The following KCNMA1 variants were observed in gnomAD, a reference collection of about 807,000 sequenced individuals.
The protein encoded by KCNMA1 is potassium calcium-activated channel subfamily M alpha 1, also known as Calcium-activated potassium channel subunit alpha-1.
Under a neutral mutation model 140.0 loss-of-function variants are expected in KCNMA1, and 29 were observed. The observed-to-expected ratio is 0.21, with a 90% CI of 0.15 to 0.28. The LOEUF is 0.28. KCNMA1 is among the 10% of genes least tolerant of loss of function. KCNMA1 has a pLI of 1.00. For missense variants in KCNMA1, 880 were observed against 1,602.2 expected (o/e 0.55, Z 7.70); for synonymous variants, 612 against 611.9 (o/e 1.00, Z 0.00).
intron 1 of KCNMA1, among the ~76,000 whole-genome samples, chr10:77,425,067 G>A (rs1373278550): frequency 9.9e-5 from 15 of 151,980 alleles, no homozygotes; most frequent in Non-Finnish European, 2.2e-4. Context: ...ATGGGTGGAT[G>A]GATGGGTGGA....
chr10:77,002,193 C>G (rs949174402), intron 18 of KCNMA1, among the ~76,000 whole-genome samples: 1 of 152,112 alleles, frequency 6.6e-6, no homozygotes, highest in Non-Finnish European at 1.5e-5. Flanking sequence ...ATGATGGCTA[C>G]AGGAATTTAA....
At chr10:76,963,601 G>A (rs977242275) in intron 20 of KCNMA1, among the ~76,000 whole-genome samples, 2 of 152,108 alleles carry the variant, frequency 1.3e-5, no homozygotes, top group African/African-American at 4.8e-5. Flanking sequence ...CACATTCTGG[G>A]TGCCTACTCT....
intron 2 of KCNMA1, among the ~76,000 whole-genome samples, chr10:77,299,536 C>G (rs1186204985): frequency 6.6e-6 from 1 of 152,134 alleles, no homozygotes; most frequent in Non-Finnish European, 1.5e-5. Context: ...TCTGAGAAGT[C>G]GGTGTAACCT....
chr10:76,920,706 C>A lies in KCNMA1; in HGVS notation c.2903-5657G>T, dbSNP rs1402207350. 2.6e-5 allele frequency among the ~76,000 whole-genome samples: 4 copies of A among 152,342 alleles called. No homozygotes were observed. In the East Asian group the frequency reaches 5.8e-4, roughly 22 times the overall value. On this transcript the variant is annotated intron_variant, in intron 23 of 27. Transcript: ENST00000286628. The stretch of plus-strand genomic sequence containing the variant: ...CCCAATTGGTAAGTGTCCCTGGGAG[C>A]CGCAGCCAGGCAGTCTGACCTCAGA...
chr10:77,273,454 T>C (rs867000072), intron 2 of KCNMA1, among the ~76,000 whole-genome samples: 10 of 152,200 alleles, frequency 6.6e-5, no homozygotes, highest in African/African-American at 9.7e-5. Context: ...GCAAGATGAA[T>C]TGAATTCACA....
chr10:77,574,074 G>A (rs1228827717), intron 1 of KCNMA1, among the ~76,000 whole-genome samples: 4 of 151,872 alleles, frequency 2.6e-5, no homozygotes, highest in Non-Finnish European at 4.4e-5. Context: ...GGCCTGAAGC[G>A]ATCCACCCAT....
intron 5 of KCNMA1, among the ~76,000 whole-genome samples, chr10:77,183,092 A>C (rs1267761855): frequency 6.6e-6 from 1 of 152,120 alleles, no homozygotes; most frequent in Non-Finnish European, 1.5e-5. Context: ...CCTTACCCCC[A>C]TGGGCTTCTT....
At chr10:77,034,580 T>G (rs1290578291) in intron 15 of KCNMA1, among the ~76,000 whole-genome samples, 3 of 152,182 alleles carry the variant, frequency 2.0e-5, no homozygotes, top group Non-Finnish European at 4.4e-5. Context: ...GAGCACTGAA[T>G]GCAGGGAGGT....
chr10:77,468,787 A>G (rs1475475317), intron 1 of KCNMA1, among the ~76,000 whole-genome samples: 1 of 152,178 alleles, frequency 6.6e-6, no homozygotes, highest in Admixed American at 6.5e-5. Flanking sequence ...CATCAAGAAA[A>G]TAGAAATGAT....
intron 1 of KCNMA1, among the ~76,000 whole-genome samples, chr10:77,514,030 C>G (rs1406051740): frequency 6.6e-6 from 1 of 152,252 alleles, no homozygotes; most frequent in African/African-American, 2.4e-5. Flanking sequence ...CACAGAGCAC[C>G]ACCCGTGCCT....
chr10:77,307,673 A>C (rs2154340149), intron 2 of KCNMA1, among the ~76,000 whole-genome samples: 1 of 152,180 alleles, frequency 6.6e-6, no homozygotes, highest in Middle Eastern at 3.4e-3. Flanking sequence ...CAGCCTCCCA[A>C]GTAGCTGGGA....
At chr10:76,870,892 A>G (rs541860169) in exon 28 of KCNMA1, 79 of 152,368 alleles carry the variant, frequency 5.2e-4, no homozygotes, top group African/African-American at 1.7e-3. Context: ...GTGCCTCACC[A>G]TCTCCAACAC....
chr10:77,443,463 G>C (rs565791736), intron 1 of KCNMA1, among the ~76,000 whole-genome samples: 8 of 152,210 alleles, frequency 5.3e-5, no homozygotes, highest in East Asian at 1.9e-4. Context: ...CGGAGGGCAG[G>C]GTGAGACGCT....
In KCNMA1 at chr10:77,001,790, C is replaced by T. The variant is rs575490222; in HGVS notation, c.2093-210G>A. Among the ~76,000 whole-genome samples, 6 of 152,280 alleles carry T rather than the reference C, an allele frequency of 3.9e-5. No homozygotes were observed. In the South Asian group the frequency reaches 6.2e-4, roughly 16 times the overall value. ...CAGCGAAAATATAAATTGCCTTTAT[C>T]GTCTCCCAAGGCTGTTGCACATGAT... On this transcript the variant is annotated intron_variant, in intron 18 of 27. Transcript: ENST00000286628.
intron 15 of KCNMA1, among the ~76,000 whole-genome samples, chr10:77,037,792 T>C (rs1348166384): frequency 6.6e-6 from 1 of 152,138 alleles, no homozygotes; most frequent in Non-Finnish European, 1.5e-5. Context: ...TTTATAAAAC[T>C]AGCTTCTGTT....
chr10:76,875,226 C>T (rs770236339), downstream of KCNMA1: 3 of 152,192 alleles, frequency 2.0e-5, no homozygotes, highest in Non-Finnish European at 2.9e-5. Context: ...CATTTTCCTA[C>T]CCCCTTAACA....
At chr10:77,229,001 G>C (rs550825313) in intron 3 of KCNMA1, among the ~76,000 whole-genome samples, 1 of 152,364 alleles carries the variant, frequency 6.6e-6, no homozygotes, top group Non-Finnish European at 1.5e-5. Context: ...TAGGGAATGT[G>C]TGCTTCCATC....
rs116962376 is a variant in KCNMA1 at position 77,605,643 on chromosome 10, G to A, written c.378+31622C>T. Among the ~76,000 whole-genome samples the A allele has an allele frequency of 3.9e-5, 6 of 152,260 alleles. No individual in the cohort carries two copies. In the East Asian group the frequency reaches 5.8e-4, roughly 15 times the overall value. On this transcript the variant is annotated intron_variant, in intron 1 of 27. Transcript: ENST00000286628. ...GGGTGTTTCAGAAGGAGCAAGCCCC[G>A]AGCAGCCTCCCCACACTCTGGCCCA... is the stretch of plus-strand genomic sequence containing the variant.
At chr10:77,055,887 G>C (rs1316775393) in intron 14 of KCNMA1, among the ~76,000 whole-genome samples, 1 of 152,124 alleles carries the variant, frequency 6.6e-6, no homozygotes, top group African/African-American at 2.4e-5. Flanking sequence ...ATAAACTCTG[G>C]GGCTCACGCT....
Sources: allele counts gnomAD v4.1 joint callset (sites outside exome capture counted in the v4.1 genomes callset), GRCh38; gene constraint gnomAD v4.1.1; transcripts MANE v1.5; gene names NCBI Gene and HGNC (gene_info 2026-07-23, HGNC 2026-07-21).